The following NKAIN2 variants were observed in gnomAD, a reference collection of about 807,000 sequenced individuals.
NKAIN2 encodes the protein sodium/potassium-transporting ATPase subunit beta-1-interacting protein 2.
NKAIN2 carries 14 observed loss-of-function variants against 32.6 expected under a neutral mutation model. The ratio of observed to expected loss-of-function variants is 0.43; its 90% CI spans 0.28 to 0.67. NKAIN2 has a LOEUF of 0.67. Among genes scored for constraint, NKAIN2 ranks in the 30% least tolerant of loss-of-function variants. The pLI, the probability that NKAIN2 is intolerant of heterozygous loss-of-function variation, is 0.17. For missense variants in NKAIN2, 198 were observed against 258.3 expected (o/e 0.77, Z 1.60); for synonymous variants, 80 against 87.2 (o/e 0.92, Z 0.46).
intron 4 of NKAIN2, among the ~76,000 whole-genome samples, chr6:124,733,110 C>A (rs1322410023): frequency 2.6e-5 from 4 of 151,778 alleles, no homozygotes; most frequent in East Asian, 1.9e-4. Flanking sequence ...CTGAACAAAC[C>A]AAAACTATAG....
intron 3 of NKAIN2, among the ~76,000 whole-genome samples, chr6:124,368,478 T>C (rs1180657250): frequency 1.3e-5 from 2 of 152,120 alleles, no homozygotes; most frequent in Non-Finnish European, 2.9e-5. Context: ...AGAACCCCAT[T>C]TTCTTTTTTG....
chr6:123,862,849 T>A (rs1372915717), intron 1 of NKAIN2, among the ~76,000 whole-genome samples: 1 of 152,220 alleles, frequency 6.6e-6, no homozygotes, highest in Non-Finnish European at 1.5e-5. Flanking sequence ...TGACTGTCAG[T>A]CATGTATCTG....
intron 1 of NKAIN2, among the ~76,000 whole-genome samples, chr6:124,069,618 C>A (rs1261080980): frequency 1.3e-5 from 2 of 152,138 alleles, no homozygotes; most frequent in Non-Finnish European, 2.9e-5. Flanking sequence ...TGACCTACAG[C>A]AAGTTTCAGA....
At chr6:124,120,825 T>C (rs757338758) in intron 1 of NKAIN2, among the ~76,000 whole-genome samples, 1 of 152,134 alleles carries the variant, frequency 6.6e-6, no homozygotes, top group Non-Finnish European at 1.5e-5. Context: ...AACATATGGC[T>C]GGCTAATTCA....
chr6:124,724,352 A>G (rs1448740969), intron 4 of NKAIN2, among the ~76,000 whole-genome samples: 1 of 152,118 alleles, frequency 6.6e-6, no homozygotes, highest in Non-Finnish European at 1.5e-5. Context: ...TTGCTCTCAC[A>G]GGGTATTTAA....
At chr6:123,887,547 C>G (rs1773784588) in intron 1 of NKAIN2, among the ~76,000 whole-genome samples, 1 of 152,134 alleles carries the variant, frequency 6.6e-6, no homozygotes, top group Non-Finnish European at 1.5e-5. Flanking sequence ...ACCTTCAATT[C>G]TTGGTACCTT....
chr6:124,097,420 AGT>A (rs1784692639), intron 1 of NKAIN2, among the ~76,000 whole-genome samples: 1 of 142,842 alleles, frequency 7.0e-6, no homozygotes, highest in South Asian at 2.3e-4. Context: ...AAAAAAAAAA[AGT>A]AATTAACTTA....
chr6:124,218,950 C>T (rs1230369163), intron 1 of NKAIN2, among the ~76,000 whole-genome samples: 2 of 152,162 alleles, frequency 1.3e-5, no homozygotes, highest in Admixed American at 1.3e-4. Context: ...ACAACCATGG[C>T]AGAAGGTGAA....
intron 3 of NKAIN2, among the ~76,000 whole-genome samples, chr6:124,497,734 A>G (rs1183322897): frequency 6.6e-6 from 1 of 151,804 alleles, no homozygotes; most frequent in Admixed American, 6.6e-5. Context: ...CTTACATAAA[A>G]AAAAACTAGG....
At chr6:124,574,157 T>C (rs1386473579) in intron 3 of NKAIN2, among the ~76,000 whole-genome samples, 1 of 152,184 alleles carries the variant, frequency 6.6e-6, no homozygotes, top group Non-Finnish European at 1.5e-5. Flanking sequence ...CTGTTTTCTA[T>C]CTGGAGAGCC....
At chr6:124,420,196 G>A (rs944181821) in intron 3 of NKAIN2, among the ~76,000 whole-genome samples, 1 of 151,968 alleles carries the variant, frequency 6.6e-6, no homozygotes, top group Non-Finnish European at 1.5e-5. Context: ...CTTTTCTGTG[G>A]GCATTAATGC....
intron 3 of NKAIN2, among the ~76,000 whole-genome samples, chr6:124,627,998 TACAC>T (rs1285125079): frequency 6.6e-6 from 1 of 152,126 alleles, no homozygotes; most frequent in African/African-American, 2.4e-5. Context: ...TTCACATACA[TACAC>T]ACGTGTTCAC....
chr6:124,791,939 G>A (rs1326484251), intron 5 of NKAIN2, among the ~76,000 whole-genome samples: 1 of 152,040 alleles, frequency 6.6e-6, no homozygotes, highest in Non-Finnish European at 1.5e-5. Flanking sequence ...CTCTAACTAT[G>A]TCAAAGTCTC....
At chr6:124,379,297 AAGG>A (rs944224053) in intron 3 of NKAIN2, among the ~76,000 whole-genome samples, 36 of 105,712 alleles carry the variant, frequency 3.4e-4, no homozygotes, top group African/African-American at 1.1e-3. Context: ...AGGAGAGAGA[AAGG>A]AGAAAGGGGA....
At chr6:124,758,771 C>A (rs1296564932) in intron 4 of NKAIN2, among the ~76,000 whole-genome samples, 2 of 152,142 alleles carry the variant, frequency 1.3e-5, no homozygotes, top group Non-Finnish European at 2.9e-5. Flanking sequence ...ACTACAAATA[C>A]CTCAGCCCAG....
At chr6:124,376,933 C>T (rs1175388431) in intron 3 of NKAIN2, among the ~76,000 whole-genome samples, 1 of 152,088 alleles carries the variant, frequency 6.6e-6, no homozygotes, top group African/African-American at 2.4e-5. Context: ...TACAAATCAG[C>T]TTCTGGATCA....
chr6:124,354,797 A>T (rs1011893909), intron 2 of NKAIN2, among the ~76,000 whole-genome samples: 1 of 151,212 alleles, frequency 6.6e-6, no homozygotes, highest in Non-Finnish European at 1.5e-5. Flanking sequence ...CTAAAAATTT[A>T]TCCTTAAGCA....
rs1367950089 is a variant in NKAIN2 at position 124,074,824 on chromosome 6, G to A, written c.55-208181G>A. On this transcript the variant is annotated intron_variant, in intron 1 of 6. Transcript: ENST00000368417. ...TCTGCTACGAACCCATACGGAATAC[G>A]CATATTCCTTATCATAGCACTTTAC... Among the ~76,000 whole-genome samples, 5 of 152,186 alleles carry A rather than the reference G, an allele frequency of 3.3e-5. No homozygotes were observed. In the East Asian group the frequency reaches 7.7e-4, roughly 24 times the overall value.
At position 124,171,783 on chromosome 6, in the gene NKAIN2, C is replaced by T. The variant is rs557206591; in HGVS notation, c.55-111222C>T. 3.3e-5 allele frequency among the ~76,000 whole-genome samples: 5 copies of T among 150,550 alleles called. No individual in the cohort carries two copies. The East Asian group carries it at 9.8e-4, about 30-fold the overall frequency. On this transcript the variant is annotated intron_variant, in intron 1 of 6. Transcript: ENST00000368417. ...CCCAGGCTGGTCTCGAACTCCTGAGCTCAGGCAATCCGCCTGCCTTGGCCT... is the reference window on the plus strand; with the variant it reads ...CCCAGGCTGGTCTCGAACTCCTGAGTTCAGGCAATCCGCCTGCCTTGGCCT...
Sources: allele counts gnomAD v4.1 joint callset (sites outside exome capture counted in the v4.1 genomes callset), GRCh38; gene constraint gnomAD v4.1.1; transcripts MANE v1.5; gene names NCBI Gene and HGNC (gene_info 2026-07-23, HGNC 2026-07-21).